Variants in NELL1 observed in about 807,000 individuals in gnomAD.
NELL1 encodes the protein neural EGFL like 1.
A neutral mutation model predicts 107.4 loss-of-function variants in NELL1; 76 were observed. That is an observed-to-expected ratio of 0.71 (90% CI 0.59 to 0.86). The LOEUF is 0.86. Among genes scored for constraint, NELL1 ranks in the 40% least tolerant of loss-of-function variants. The pLI is 0.00. For synonymous variants in NELL1, 353 were observed against 341.2 expected (o/e 1.03, Z -0.38); for missense variants, 1,024 against 1,005.5 (o/e 1.02, Z -0.25).
intron 11 of NELL1, 151 bp from the exon 12 acceptor site, chr11:20,960,281 T>G: frequency 1.3e-6 from 1 of 780,950 alleles, no homozygotes; most frequent in South Asian, 1.9e-5. Flanking sequence ...CTATATCTAT[T>G]CTGCCACTTT....
At chr11:21,547,340 G>C (rs980305143) in intron 16 of NELL1, among the ~76,000 whole-genome samples, 3 of 151,864 alleles carry the variant, frequency 2.0e-5, no homozygotes, top group African/African-American at 7.2e-5. Flanking sequence ...AGGATGGTGA[G>C]ATTTCCAGTG....
Position 20,723,678 on chromosome 11 carries a change from GA to G in NELL1, c.184+45620del, listed in dbSNP as rs561143732. ...TGGATCTATCATTCTGGCATCTAGA[GA>G]ATGGTGGCCCTCTTCCATAGCTCCA... On this transcript the variant is annotated intron_variant, in intron 2 of 19. Transcript: ENST00000357134. Among the ~76,000 whole-genome samples, 36 of 152,240 alleles carry G rather than the reference GA, an allele frequency of 2.4e-4. 1 individual carries two copies. The East Asian group carries it at 4.8e-3, about 20-fold the overall frequency.
At chr11:21,494,631 T>A (rs1046770328) in intron 15 of NELL1, among the ~76,000 whole-genome samples, 14 of 151,982 alleles carry the variant, frequency 9.2e-5, no homozygotes, top group Non-Finnish European at 1.8e-4. Flanking sequence ...CCTAAATGTA[T>A]ACTCAAAAGA....
intron 14 of NELL1, 39 bp from the exon 15 acceptor site, chr11:21,370,814 C>A: frequency 6.6e-7 from 1 of 1,504,422 alleles, no homozygotes; most frequent in East Asian, 2.3e-5. Flanking sequence ...TTATCTATTG[C>A]ATTTTATCTA....
intron 13 of NELL1, among the ~76,000 whole-genome samples, chr11:21,114,542 C>T (rs1170159202): frequency 6.6e-6 from 1 of 151,892 alleles, no homozygotes; most frequent in Admixed American, 6.6e-5. Flanking sequence ...TATAATACCG[C>T]TATTTTTAAT....
At chr11:21,086,874 C>T (rs1007174409) in intron 12 of NELL1, among the ~76,000 whole-genome samples, 3 of 149,106 alleles carry the variant, frequency 2.0e-5, no homozygotes, top group Non-Finnish European at 4.4e-5. Flanking sequence ...CTCTGTCGCC[C>T]AGGCTGCAGT....
At chr11:20,942,488 T>C (rs1281672301) in intron 10 of NELL1, among the ~76,000 whole-genome samples, 1 of 151,614 alleles carries the variant, frequency 6.6e-6, no homozygotes, top group African/African-American at 2.4e-5. Context: ...AGTAGGGGAG[T>C]AGGGGAGCAG....
intron 13 of NELL1, among the ~76,000 whole-genome samples, chr11:21,175,070 C>G (rs976834039): frequency 1.3e-5 from 2 of 151,700 alleles, no homozygotes; most frequent in Admixed American, 1.3e-4. Context: ...TAATTCTACT[C>G]CAGGCTAAAA....
intron 14 of NELL1, among the ~76,000 whole-genome samples, chr11:21,355,896 G>A (rs556743642): frequency 8.5e-5 from 13 of 152,174 alleles, no homozygotes; most frequent in African/African-American, 3.1e-4. Context: ...AAGTCACTAC[G>A]TGATCTGCAC....
At chr11:21,228,543 A>G (rs1857953074) in intron 13 of NELL1, among the ~76,000 whole-genome samples, 1 of 152,090 alleles carries the variant, frequency 6.6e-6, no homozygotes, top group African/African-American at 2.4e-5. Context: ...CCCTGTGACC[A>G]GTGGTACTCC....
At position 21,183,336 on chromosome 11, in the gene NELL1, G is replaced by A. The variant is rs557629502; in HGVS notation, c.1427-45996G>A. The stretch of plus-strand genomic sequence containing the variant: ...TGCATAATAAATGATTGTTGCTGAA[G>A]TGATATTAGAAACATTTAAATGTAG... On this transcript the variant is annotated intron_variant, in intron 13 of 19. Coordinates refer to ENST00000357134, the MANE Select transcript of NELL1 (RefSeq NM_006157.5). Among the ~76,000 whole-genome samples the A allele has an allele frequency of 7.2e-5, 11 of 152,020 alleles. No individual in the cohort carries two copies. In the South Asian group the frequency reaches 2.1e-3, roughly 29 times the overall value.
At chr11:21,123,659 T>G (rs116152351) in intron 13 of NELL1, among the ~76,000 whole-genome samples, 1,809 of 152,260 alleles carry the variant, frequency 0.012, 38 homozygotes, top group African/African-American at 0.041. Flanking sequence ...ACTTGACGGT[T>G]TATAGCCAAA....
chr11:21,142,527 A>G, intron 13 of NELL1, among the ~76,000 whole-genome samples: 1 of 152,248 alleles, frequency 6.6e-6, no homozygotes, highest in East Asian at 1.9e-4. Context: ...TTGCGGGCTT[A>G]AATCACGGCA....
chr11:21,516,809 AT>A (rs367937806), intron 15 of NELL1, among the ~76,000 whole-genome samples: 20,698 of 144,970 alleles, frequency 0.14, 1,560 homozygotes, highest in Admixed American at 0.2. Flanking sequence ...TGGCATTGGT[AT>A]TTTTTTTTTT....
chr11:21,277,380 A>T (rs1848890626), intron 14 of NELL1, among the ~76,000 whole-genome samples: 2 of 151,558 alleles, frequency 1.3e-5, no homozygotes, highest in East Asian at 3.9e-4. Flanking sequence ...AATGGCAATC[A>T]TTAAAAAGTC....
chr11:20,927,719 G>C (rs538476097), intron 8 of NELL1, among the ~76,000 whole-genome samples: 3 of 152,314 alleles, frequency 2.0e-5, no homozygotes, highest in African/African-American at 7.2e-5. Context: ...GGATATAGTG[G>C]AAAGAAGGGA....
At chr11:21,294,233 A>G (rs538179680) in intron 14 of NELL1, among the ~76,000 whole-genome samples, 1 of 152,142 alleles carries the variant, frequency 6.6e-6, no homozygotes, top group East Asian at 1.9e-4. Context: ...CTGTCCCCAT[A>G]GTGTACCCTT....
In NELL1 at chr11:21,026,352, G is replaced by A. The variant is rs147855041; in HGVS notation, c.1300+65792G>A. On this transcript the variant is annotated intron_variant, in intron 12 of 19. Transcript: ENST00000357134. ...TGCTGACCTGCCAACACAGCAGACA[G>A]GCTTCTCCATTTGGGCCTTTGAAAT... 7.3e-3 allele frequency among the ~76,000 whole-genome samples: 1,110 copies of A among 152,190 alleles called. 11 individuals are homozygous for A. The highest frequency in any genetic ancestry group is 0.025 in the African/African-American group (1,037 of 41,514).
At chr11:21,196,883 C>CTT (rs200792090) in intron 13 of NELL1, among the ~76,000 whole-genome samples, 76 of 136,266 alleles carry the variant, frequency 5.6e-4, no homozygotes, top group African/African-American at 7.2e-4. Context: ...CTTTTCTTTT[C>CTT]TTTTTTTTTT....
Sources: allele counts gnomAD v4.1 joint callset (sites outside exome capture counted in the v4.1 genomes callset), GRCh38; gene constraint gnomAD v4.1.1; transcripts MANE v1.5; gene names NCBI Gene and HGNC (gene_info 2026-07-23, HGNC 2026-07-21).